Variants in PPP2R2A observed in about 807,000 individuals in gnomAD.
PPP2R2A encodes the protein serine/threonine-protein phosphatase 2A 55 kDa regulatory subunit B alpha isoform.
Under a neutral mutation model 53.2 loss-of-function variants are expected in PPP2R2A, and 9 were observed. That is an observed-to-expected ratio of 0.17 (90% CI 0.10 to 0.30). The LOEUF is 0.30. PPP2R2A is among the 10% of genes least tolerant of loss of function. The pLI is 1.00. For synonymous variants in PPP2R2A, 169 were observed against 174.2 expected (o/e 0.97, Z 0.23); for missense variants, 235 against 534.6 (o/e 0.44, Z 5.53).
intron 3 of PPP2R2A, among the ~76,000 whole-genome samples, chr8:26,351,127 T>A (rs1388199067): frequency 6.6e-6 from 1 of 152,208 alleles, no homozygotes; most frequent in African/African-American, 2.4e-5. Flanking sequence ...TTGATCAGTA[T>A]TTTTCTTAGG....
At chr8:26,363,071 T>G in intron 7 of PPP2R2A, 9 of 458,078 alleles carry the variant, frequency 2.0e-5, no homozygotes, top group East Asian at 3.8e-5. Context: ...AATATATCTC[T>G]CATGGAATGC....
rs1328576511 is a variant in PPP2R2A, at chr8:26,338,635, T to C, written c.83-255T>C. 6.6e-6 allele frequency among the ~76,000 whole-genome samples: 1 copy of C among 152,242 alleles called. No individual in the cohort carries two copies. Among genetic ancestry groups the C allele is most frequent in the Admixed American group, 6.5e-5 (1 of 15,278 alleles). On this transcript the variant is annotated intron_variant, in intron 2 of 9. Coordinates refer to ENST00000380737, the MANE Select transcript of PPP2R2A (RefSeq NM_002717.4). The surrounding 1 kb of genome is among the most constrained non-coding windows in gnomAD (Gnocchi z 4.5). ...CTTTGCATTCACAAATTTAGTGAAA[T>C]GTTAATAAATTAGTATTTGTTGTAT...
chr8:26,293,115 C>T (rs906129635), intron 1 of PPP2R2A: 4 of 870,334 alleles, frequency 4.6e-6, no homozygotes, highest in South Asian at 1.9e-5. Flanking sequence ...GCATTCATTT[C>T]GGTTTCTTTT....
chr8:26,332,981 A>G (rs769000427), intron 2 of PPP2R2A, among the ~76,000 whole-genome samples: 1 of 152,164 alleles, frequency 6.6e-6, no homozygotes, highest in African/African-American at 2.4e-5. Flanking sequence ...TAATCACTCT[A>G]ATTTGTTTTT....
At chr8:26,350,673 G>A (rs1419382308) in intron 3 of PPP2R2A, 1 of 151,894 alleles carries the variant, frequency 6.6e-6, no homozygotes, top group East Asian at 1.9e-4. Context: ...CCAAAGTGTT[G>A]GATTACAGGC....
intron 3 of PPP2R2A, among the ~76,000 whole-genome samples, chr8:26,341,321 T>C (rs543596400): frequency 6.6e-6 from 1 of 152,184 alleles, no homozygotes; most frequent in Non-Finnish European, 1.5e-5. Flanking sequence ...ATCTATGTCA[T>C]TGGTCATAAA....
At chr8:26,309,605 A>C (rs1802183011) in intron 2 of PPP2R2A, among the ~76,000 whole-genome samples, 3 of 152,322 alleles carry the variant, frequency 2.0e-5, no homozygotes, top group Middle Eastern at 3.4e-3. Flanking sequence ...AGGGCTGTTA[A>C]TACAGAGCTG....
At chr8:26,293,765 T>A in intron 2 of PPP2R2A, 25 bp downstream of exon 2, 1 of 1,607,052 alleles carries the variant, frequency 6.2e-7, no homozygotes, top group African/African-American at 1.3e-5. Flanking sequence ...AATGCAAAAT[T>A]TGGATATATA....
chr8:26,344,756 A>G (rs1308070667), intron 3 of PPP2R2A, among the ~76,000 whole-genome samples: 1 of 152,206 alleles, frequency 6.6e-6, no homozygotes, highest in Non-Finnish European at 1.5e-5. Context: ...TATTTTAAAT[A>G]TTTAAAATAT....
At chr8:26,356,594 A>G (rs574881178) in intron 4 of PPP2R2A, among the ~76,000 whole-genome samples, 1 of 152,310 alleles carries the variant, frequency 6.6e-6, no homozygotes, top group African/African-American at 2.4e-5. Flanking sequence ...AGCTTCAAAT[A>G]TTTTAGACAC....
At position 26,291,541 on chromosome 8, in the gene PPP2R2A, C is replaced by T. The variant is rs995488597; in HGVS notation, c.-279C>T. On this transcript the variant is annotated 5_prime_UTR_variant, in exon 1 of 10. Coordinates refer to ENST00000380737, the MANE Select transcript of PPP2R2A (RefSeq NM_002717.4). ...CGGCGCCATTTTGAAAGTGGAGTCG[C>T]CTGCCCCTGCCGCTGCCGCCGCCGC... 80 of 494,208 alleles carry T rather than the reference C, an allele frequency of 1.6e-4. No individual in the cohort carries two copies. Among genetic ancestry groups the T allele is most frequent in the Non-Finnish European group, 2.5e-4 (70 of 277,686 alleles). 30.6% of individuals were successfully genotyped at this position (494,208 alleles called of 1,614,324 possible).
At chr8:26,295,650 G>A (rs1397543457) in intron 2 of PPP2R2A, among the ~76,000 whole-genome samples, 5 of 152,110 alleles carry the variant, frequency 3.3e-5, no homozygotes, top group African/African-American at 4.8e-5. Flanking sequence ...ATATTTTAAC[G>A]TAAGCATATT....
At chr8:26,348,489 C>T (rs1228192453) in intron 3 of PPP2R2A, among the ~76,000 whole-genome samples, 1 of 152,124 alleles carries the variant, frequency 6.6e-6, no homozygotes, top group East Asian at 1.9e-4. Context: ...TACTTTCAGG[C>T]TATATGTATA....
At chr8:26,336,076 A>G (rs1006752469) in intron 2 of PPP2R2A, among the ~76,000 whole-genome samples, 2 of 152,122 alleles carry the variant, frequency 1.3e-5, no homozygotes, top group East Asian at 3.9e-4. Context: ...AGTTTGGAAT[A>G]TTGTACCTAC....
intron 2 of PPP2R2A, among the ~76,000 whole-genome samples, chr8:26,318,612 C>T (rs1802682917): frequency 6.6e-6 from 1 of 152,090 alleles, no homozygotes; most frequent in Non-Finnish European, 1.5e-5. Context: ...TTTAAAATAC[C>T]AGTTTATACT....
chr8:26,317,777 C>G (rs1802630791), intron 2 of PPP2R2A, among the ~76,000 whole-genome samples: 1 of 152,184 alleles, frequency 6.6e-6, no homozygotes, highest in South Asian at 2.1e-4. Flanking sequence ...GTTTCTCTCT[C>G]ACGTGACCAT....
chr8:26,353,319 A>C (rs17055153), intron 3 of PPP2R2A, among the ~76,000 whole-genome samples: 19,599 of 152,146 alleles, frequency 0.13, 1,409 homozygotes, highest in African/African-American at 0.19. Flanking sequence ...CTGCTGTCCA[A>C]GGGTTCAAAT....
At chr8:26,315,158 T>C (rs532213079) in intron 2 of PPP2R2A, among the ~76,000 whole-genome samples, 1 of 152,296 alleles carries the variant, frequency 6.6e-6, no homozygotes, top group East Asian at 1.9e-4. Flanking sequence ...TTTTTTCTTA[T>C]TCATATTGGT....
intron 2 of PPP2R2A, among the ~76,000 whole-genome samples, chr8:26,324,210 G>A (rs1802977893): frequency 6.6e-6 from 1 of 152,210 alleles, no homozygotes; most frequent in South Asian, 2.1e-4. Context: ...CACCACCTCA[G>A]AGAGGCTTTC....
Sources: allele counts gnomAD v4.1 joint callset (sites outside exome capture counted in the v4.1 genomes callset), GRCh38; gene constraint gnomAD v4.1.1; non-coding constraint Gnocchi (gnomAD v3.1); transcripts MANE v1.5; gene names NCBI Gene and HGNC (gene_info 2026-07-23, HGNC 2026-07-21).